Variants in UBR3 observed in about 807,000 individuals in gnomAD.
UBR3 encodes ubiquitin protein ligase E3 component n-recognin 3, also known as E3 ubiquitin-protein ligase UBR3.
UBR3 carries 85 observed loss-of-function variants against 243.2 expected under a neutral mutation model. The ratio of observed to expected loss-of-function variants is 0.35; its 90% CI spans 0.29 to 0.42. The LOEUF is 0.42. Ranked by LOEUF, UBR3 falls within the 10% of genes least tolerant of loss-of-function variation. UBR3 has a pLI of 1.00. For synonymous variants in UBR3, 748 were observed against 799.8 expected, an observed-to-expected ratio of 0.94 and a Z score of 1.09; for missense variants, 1,686 against 2,300.8, an observed-to-expected ratio of 0.73 and a Z score of 5.47.
intron 1 of UBR3, among the ~76,000 whole-genome samples, chr2:169,839,393 A>T (rs2082215915): frequency 1.3e-5 from 2 of 152,210 alleles, no homozygotes; most frequent in African/African-American, 4.8e-5. Flanking sequence ...GATAAAGATA[A>T]GTTAATTAGT....
chr2:170,047,883 T>C (rs1199030796), intron 32 of UBR3, among the ~76,000 whole-genome samples: 1 of 152,234 alleles, frequency 6.6e-6, no homozygotes, highest in South Asian at 2.1e-4. Context: ...AGTCATTTAG[T>C]GGCCATGTGG....
At chr2:169,942,745 T>C in intron 20 of UBR3, 111 bp downstream of exon 20, 1 of 1,106,526 alleles carries the variant, frequency 9.0e-7, no homozygotes, top group East Asian at 2.8e-5. Context: ...AGTGTATTTA[T>C]GCATTTAAGA....
At chr2:170,014,156 G>T (rs2090165462) in intron 29 of UBR3, 1 of 185,422 alleles carries the variant, frequency 5.4e-6, no homozygotes, top group Non-Finnish European at 1.2e-5. Context: ...GAAATGGGTG[G>T]CAAATGTACA....
chr2:169,881,576 G>A (rs1034799612), intron 5 of UBR3, among the ~76,000 whole-genome samples: 2 of 145,208 alleles, frequency 1.4e-5, no homozygotes, highest in Admixed American at 7.1e-5. Flanking sequence ...AGAATTTGAA[G>A]TAGAGTTGTT....
At chr2:169,961,349 A>AT (rs1420842363) in intron 24 of UBR3, among the ~76,000 whole-genome samples, 12 of 151,028 alleles carry the variant, frequency 7.9e-5, no homozygotes, top group African/African-American at 1.7e-4. Flanking sequence ...ATATATATAC[A>AT]TTTTTTTTCT....
intron 30 of UBR3, 22 bp downstream of exon 30, chr2:170,015,388 AT>A: frequency 6.4e-7 from 1 of 1,565,350 alleles, no homozygotes; most frequent in Non-Finnish European, 8.7e-7. Context: ...ATACTGCTAA[AT>A]TTAAAAAAAA....
intron 33 of UBR3, 75 bp from the exon 34 acceptor site, chr2:170,061,004 C>A: frequency 1.0e-6 from 1 of 999,066 alleles, no homozygotes; most frequent in South Asian, 2.1e-5. Context: ...TTACTCTACT[C>A]ATTAAAAATT....
chr2:169,970,129 C>CATGAG (rs2088041170), intron 24 of UBR3, among the ~76,000 whole-genome samples: 1 of 151,570 alleles, frequency 6.6e-6, no homozygotes, highest in African/African-American at 2.4e-5. Flanking sequence ...CAATCCATGA[C>CATGAG]ATGAGATGTC....
At chr2:169,874,513 A>C (rs1203382095) in intron 2 of UBR3, among the ~76,000 whole-genome samples, 1 of 152,156 alleles carries the variant, frequency 6.6e-6, no homozygotes, top group East Asian at 1.9e-4. Flanking sequence ...AAAATTAAAG[A>C]AATTAAAGAA....
At chr2:170,011,829 G>A (rs936811764) in intron 29 of UBR3, among the ~76,000 whole-genome samples, 2 of 151,960 alleles carry the variant, frequency 1.3e-5, no homozygotes, top group Admixed American at 1.3e-4. Context: ...TATTACACAT[G>A]TCAGTCATCT....
At chr2:169,994,273 T>A in intron 25 of UBR3, 50 bp from the exon 26 acceptor site, 4 of 1,601,174 alleles carry the variant, frequency 2.5e-6, no homozygotes, top group Non-Finnish European at 3.4e-6. Context: ...GAGTTACAGG[T>A]CTATGGCACT....
intron 5 of UBR3, among the ~76,000 whole-genome samples, chr2:169,881,953 T>TA (rs1559053840): frequency 5.7e-5 from 6 of 104,648 alleles, no homozygotes; most frequent in Non-Finnish European, 1.2e-4. Context: ...TACATATGTA[T>TA]GTATACATAC....
rs565091759 is a variant in UBR3 at position 169,913,867 on chromosome 2, T to C, written c.1780-193T>C. Among the ~76,000 whole-genome samples, 15 of 152,296 alleles carry C rather than the reference T, an allele frequency of 9.8e-5. No individual in the cohort carries two copies. In the East Asian group the frequency reaches 2.9e-3, roughly 29 times the overall value. On this transcript the variant is annotated intron_variant, in intron 10 of 38. Coordinates refer to ENST00000272793, the MANE Select transcript of UBR3 (RefSeq NM_172070.4). ...AATGTATTGTAAAAAAGGAAGCGTA[T>C]TGACTTACTTAATTTTCATATTTGT...
intron 1 of UBR3, among the ~76,000 whole-genome samples, chr2:169,837,755 A>T (rs2082156088): frequency 6.6e-6 from 1 of 152,186 alleles, no homozygotes; most frequent in Admixed American, 6.5e-5. Flanking sequence ...CCCACCCTTG[A>T]CGTGTGGGGA....
chr2:169,926,455 G>A (rs1392388597), intron 14 of UBR3, among the ~76,000 whole-genome samples: 2 of 152,216 alleles, frequency 1.3e-5, no homozygotes, highest in Non-Finnish European at 1.5e-5. Flanking sequence ...AGGTGTGGTG[G>A]CACACACCTG....
intron 30 of UBR3, chr2:170,016,748 G>A (rs1279158550): frequency 8.2e-6 from 2 of 242,874 alleles, no homozygotes; most frequent in Non-Finnish European, 1.5e-5. Flanking sequence ...CCAGATTCCT[G>A]AAAATAGTAA....
intron 1 of UBR3, among the ~76,000 whole-genome samples, chr2:169,864,147 G>A (rs769644459): frequency 6.6e-6 from 1 of 152,098 alleles, no homozygotes. Context: ...ACAGGTTCAA[G>A]TGATCTTCCT....
chr2:170,047,882 G>C (rs2091126863), intron 32 of UBR3, among the ~76,000 whole-genome samples: 1 of 152,174 alleles, frequency 6.6e-6, no homozygotes, highest in African/African-American at 2.4e-5. Context: ...TAGTCATTTA[G>C]TGGCCATGTG....
chr2:170,023,924 G>A (rs1034109977), intron 30 of UBR3, among the ~76,000 whole-genome samples: 2 of 151,876 alleles, frequency 1.3e-5, no homozygotes, highest in African/African-American at 2.4e-5. Flanking sequence ...TGTTGGTCTC[G>A]ATCTCCTGAC....
Sources: allele counts gnomAD v4.1 joint callset (sites outside exome capture counted in the v4.1 genomes callset), GRCh38; gene constraint gnomAD v4.1.1; transcripts MANE v1.5; gene names NCBI Gene and HGNC (gene_info 2026-07-23, HGNC 2026-07-21).